The following LRRC7 variants were observed in gnomAD, a reference collection of about 807,000 sequenced individuals.
The protein encoded by LRRC7 is leucine rich repeat containing 7, also known as leucine-rich repeat-containing protein 7.
In LRRC7, 23 loss-of-function variants were observed where a neutral mutation model predicts 175.7. That is an observed-to-expected ratio of 0.13 (90% CI 0.09 to 0.19). LRRC7 has a LOEUF of 0.19. LRRC7 is among the 10% of genes least tolerant of loss of function. The probability of loss-of-function intolerance (pLI) is 1.00; values close to 1 mark genes in which losing one functional copy is unlikely to be tolerated. For synonymous variants in LRRC7, 685 were observed against 680.9 expected (o/e 1.01, Z -0.09); for missense variants, 1,354 against 1,904.7 (o/e 0.71, Z 5.38).
chr1:69,676,506 T>C (rs1659791462), intron 1 of LRRC7, among the ~76,000 whole-genome samples: 1 of 152,082 alleles, frequency 6.6e-6, no homozygotes, highest in African/African-American at 2.4e-5. Flanking sequence ...GTTAGTAAAG[T>C]GTACATTGAT....
intron 7 of LRRC7, among the ~76,000 whole-genome samples, chr1:69,926,645 G>GT (rs1439671864): frequency 1.3e-5 from 2 of 150,260 alleles, no homozygotes; most frequent in Admixed American, 6.6e-5. Context: ...GCCTTTTTTT[G>GT]TTTCCATTTG....
intron 2 of LRRC7, among the ~76,000 whole-genome samples, chr1:69,700,814 T>C (rs944247445): frequency 1.3e-5 from 2 of 152,182 alleles, no homozygotes; most frequent in African/African-American, 2.4e-5. Context: ...TATGTCCCCA[T>C]TTCAAGTTTA....
intron 2 of LRRC7, among the ~76,000 whole-genome samples, chr1:69,706,828 A>G (rs927578397): frequency 3.3e-5 from 5 of 152,176 alleles, no homozygotes; most frequent in Admixed American, 2.0e-4. Flanking sequence ...ATTAACGAAG[A>G]ACACACTACC....
chr1:69,912,558 C>A (rs1646563708), intron 7 of LRRC7, among the ~76,000 whole-genome samples: 1 of 152,190 alleles, frequency 6.6e-6, no homozygotes, highest in Non-Finnish European at 1.5e-5. Context: ...CCCCCACCCT[C>A]AGAAATAATG....
chr1:69,589,663 C>G (rs188936077), intron 1 of LRRC7, among the ~76,000 whole-genome samples: 1 of 152,078 alleles, frequency 6.6e-6, no homozygotes, highest in Non-Finnish European at 1.5e-5. Context: ...TCTGCCATAC[C>G]CACCCTGAAC....
chr1:69,869,339 A>G (rs1685275119), intron 7 of LRRC7, among the ~76,000 whole-genome samples: 1 of 152,152 alleles, frequency 6.6e-6, no homozygotes, highest in Non-Finnish European at 1.5e-5. Flanking sequence ...AATGAGAGGG[A>G]GAAGCCTAAT....
intron 2 of LRRC7, among the ~76,000 whole-genome samples, chr1:69,735,872 CCT>C (rs1321755013): frequency 6.6e-6 from 1 of 151,802 alleles, no homozygotes; most frequent in Non-Finnish European, 1.5e-5. Flanking sequence ...TCTCTCTCTA[CCT>C]CTCTCTGCCT....
intron 8 of LRRC7, among the ~76,000 whole-genome samples, chr1:69,959,198 T>G (rs1459600769): frequency 6.6e-6 from 1 of 152,134 alleles, no homozygotes; most frequent in Non-Finnish European, 1.5e-5. Context: ...TTCGGGCATT[T>G]GCAGAAAAGG....
rs1557641301 is a variant in LRRC7 at position 69,717,835 on chromosome 1, AAAG to A, written c.100+39360_100+39362del. Among the ~76,000 whole-genome samples, 3 of 63,270 alleles carry A rather than the reference AAAG, an allele frequency of 4.7e-5. 1 individual carries two copies. Among genetic ancestry groups the A allele is most frequent in the Admixed American group, 1.7e-4 (1 of 5,818 alleles). The allele number at this position is 63,270 out of a possible 152,430, so 41.5% of individuals were successfully genotyped here. A position where few individuals can be genotyped will look rare whatever the true frequency, so the allele number is the denominator to read the frequency against. ...GAAAGAAAGAAAGAAAGAAAGAAAG[AAAG>A]AAAAAAGAAAGAAAGGAAAGAAAGA... is the stretch of plus-strand genomic sequence containing the variant. On this transcript the variant is annotated intron_variant, in intron 2 of 26. Coordinates refer to ENST00000651989, the MANE Select transcript of LRRC7 (RefSeq NM_001370785.2).
intron 2 of LRRC7, among the ~76,000 whole-genome samples, chr1:69,692,739 C>T (rs1662044902): frequency 6.6e-6 from 1 of 152,132 alleles, no homozygotes; most frequent in Admixed American, 6.5e-5. Flanking sequence ...TTGTAATACA[C>T]AGCATGTTGG....
chr1:69,871,067 T>C (rs1685482599), intron 7 of LRRC7, among the ~76,000 whole-genome samples: 1 of 136,780 alleles, frequency 7.3e-6, no homozygotes, highest in African/African-American at 2.6e-5. Context: ...CTTTTAATAA[T>C]GTTATACCAC....
chr1:69,823,956 A>C (rs925787810), intron 4 of LRRC7, among the ~76,000 whole-genome samples: 7 of 152,214 alleles, frequency 4.6e-5, no homozygotes, highest in Non-Finnish European at 2.9e-5. Flanking sequence ...TCGAGCCAAC[A>C]GACTGTGCTC....
Position 70,134,167 on chromosome 1 carries a change from C to T in LRRC7, c.*12280C>T, listed in dbSNP as rs1468187256. On this transcript the variant is annotated 3_prime_UTR_variant, in exon 27 of 27. Transcript: ENST00000651989. ...TATGAAGTGAATAAGAAATGTATTT[C>T]GAAATGTATTTCAAAATGTCTCTCA... Among the ~76,000 whole-genome samples, 2 of 152,130 alleles carry T rather than the reference C, an allele frequency of 1.3e-5. No individual in the cohort carries two copies. Among genetic ancestry groups the T allele is most frequent in the South Asian group, 2.1e-4 (1 of 4,832 alleles).
chr1:70,092,598 G>T (rs1414280078), intron 25 of LRRC7, among the ~76,000 whole-genome samples: 1 of 152,054 alleles, frequency 6.6e-6, no homozygotes, highest in African/African-American at 2.4e-5. Context: ...TCAGGGAAAT[G>T]ACAAGGACCA....
intron 7 of LRRC7, among the ~76,000 whole-genome samples, chr1:69,895,044 C>G (rs191220987): frequency 6.6e-6 from 1 of 152,250 alleles, no homozygotes; most frequent in Non-Finnish European, 1.5e-5. Context: ...CTGACCAACA[C>G]CTCTGCTAAA....
At chr1:69,931,654 A>C in intron 8 of LRRC7, 84 bp downstream of exon 8, 1 of 1,053,124 alleles carries the variant, frequency 9.5e-7, no homozygotes, top group Non-Finnish European at 1.4e-6. Context: ...CAAGGTATTA[A>C]CTTGATTGCA....
intron 1 of LRRC7, among the ~76,000 whole-genome samples, chr1:69,587,510 C>T (rs1484261318): frequency 6.6e-6 from 1 of 152,144 alleles, no homozygotes; most frequent in Non-Finnish European, 1.5e-5. Flanking sequence ...CTCCTTGTGC[C>T]CCAGCTCTTT....
chr1:69,928,758 C>T (rs1165830319), intron 7 of LRRC7, among the ~76,000 whole-genome samples: 1 of 152,334 alleles, frequency 6.6e-6, no homozygotes, highest in East Asian at 1.9e-4. Flanking sequence ...CCTTGCGCTT[C>T]CCAAGTGAGG....
At chr1:69,938,995 T>TTATACATATATA (rs1648348403) in intron 8 of LRRC7, among the ~76,000 whole-genome samples, 1 of 97,606 alleles carries the variant, frequency 1.0e-5, no homozygotes, top group Non-Finnish European at 2.1e-5. Context: ...AGGCTGTAGA[T>TTATACATATATA]TATATATATA....
Sources: allele counts gnomAD v4.1 joint callset (sites outside exome capture counted in the v4.1 genomes callset), GRCh38; gene constraint gnomAD v4.1.1; transcripts MANE v1.5; gene names NCBI Gene and HGNC (gene_info 2026-07-23, HGNC 2026-07-21).